Variants in HMGCLL1 observed in about 807,000 individuals in gnomAD.
The protein encoded by HMGCLL1 is 3-hydroxymethyl-3-methylglutaryl-CoA lyase, cytoplasmic.
Under a neutral mutation model 39.1 loss-of-function variants are expected in HMGCLL1, and 36 were observed. The ratio of observed to expected loss-of-function variants is 0.92; its 90% CI spans 0.71 to 1.22. The LOEUF is 1.22. Among genes scored for constraint, HMGCLL1 ranks in the 50% most tolerant of loss-of-function variants. The pLI is 0.00. For synonymous variants in HMGCLL1, 149 were observed against 144.0 expected (o/e 1.03, Z -0.25); for missense variants, 451 against 416.5 (o/e 1.08, Z -0.72).
intron 7 of HMGCLL1, among the ~76,000 whole-genome samples, chr6:55,450,524 T>C (rs987481004): frequency 2.0e-5 from 3 of 152,190 alleles, no homozygotes; most frequent in African/African-American, 7.2e-5. Context: ...AATGTGCTTA[T>C]CACATAGGTT....
chr6:55,473,917 C>T lies in HMGCLL1; in HGVS notation c.795+21502G>A, dbSNP rs146554564. Among the ~76,000 whole-genome samples the T allele has an allele frequency of 4.5e-3, 684 of 151,546 alleles. 6 individuals carry two copies. The highest frequency in any genetic ancestry group is 0.015 in the African/African-American group (622 of 41,478). On this transcript the variant is annotated intron_variant, in intron 7 of 8. Coordinates refer to ENST00000274901, the MANE Select transcript of HMGCLL1 (RefSeq NM_001042406.2). ...CACTGGTGGGTTTTTACTTTCAGTA[C>T]TTTACTTCATTCTACTTTCTAGTTG...
chr6:55,579,264 G>T (rs1057208545), upstream of HMGCLL1: 20 of 590,970 alleles, frequency 3.4e-5, no homozygotes, highest in Non-Finnish European at 4.5e-5. Context: ...GCGGGTGCAC[G>T]GGGCACCTGC....
intron 7 of HMGCLL1, among the ~76,000 whole-genome samples, chr6:55,444,721 C>A (rs1448595981): frequency 3.3e-5 from 5 of 151,950 alleles, no homozygotes; most frequent in Admixed American, 2.6e-4. Context: ...TAATTACCTA[C>A]CTAAGTAGAA....
At chr6:55,513,273 T>C (rs1351768597) in intron 5 of HMGCLL1, 2 of 152,128 alleles carry the variant, frequency 1.3e-5, no homozygotes, top group Non-Finnish European at 2.9e-5. Context: ...ATTAGGTTTG[T>C]GGATCTTGGG....
At chr6:55,649,911 A>G in the HMGCLL1 span, among the ~76,000 whole-genome samples, 2 of 150,528 alleles carry the variant, frequency 1.3e-5, no homozygotes, top group Non-Finnish European at 3.0e-5. Flanking sequence ...GCATCTTTCT[A>G]CTTTAGAATT....
intron 7 of HMGCLL1, among the ~76,000 whole-genome samples, chr6:55,452,809 A>G (rs935811896): frequency 3.3e-5 from 5 of 152,170 alleles, no homozygotes; most frequent in Non-Finnish European, 7.3e-5. Flanking sequence ...GTTGCTGGGA[A>G]ACAAAGACTA....
intron 7 of HMGCLL1, among the ~76,000 whole-genome samples, chr6:55,445,342 A>G (rs1167538946): frequency 6.6e-6 from 1 of 151,976 alleles, no homozygotes; most frequent in Non-Finnish European, 1.5e-5. Flanking sequence ...TTCACTATGT[A>G]TGTTTTCTTC....
intron 1 of HMGCLL1, 29 bp from the exon 2 acceptor site, chr6:55,542,169 A>G (rs1581922246): frequency 6.8e-7 from 1 of 1,472,528 alleles, no homozygotes; most frequent in African/African-American, 1.4e-5. Context: ...GAACAAGATA[A>G]CGTAACTTTT....
At chr6:55,612,863 C>A in the HMGCLL1 span, among the ~76,000 whole-genome samples, 1 of 152,102 alleles carries the variant, frequency 6.6e-6, no homozygotes, top group African/African-American at 2.4e-5. Flanking sequence ...AAAATCTATG[C>A]AATACCATTC....
intron 3 of HMGCLL1, among the ~76,000 whole-genome samples, chr6:55,531,458 T>C (rs932965364): frequency 1.3e-5 from 2 of 152,206 alleles, no homozygotes; most frequent in African/African-American, 4.8e-5. Flanking sequence ...TTTAGTCAGA[T>C]ACAAAAGTGG....
At chr6:55,559,555 G>C (rs189993351) in intron 1 of HMGCLL1, among the ~76,000 whole-genome samples, 2 of 152,162 alleles carry the variant, frequency 1.3e-5, no homozygotes, top group African/African-American at 4.8e-5. Flanking sequence ...ACCTAGAGGA[G>C]AGCAGGGGCA....
chr6:55,614,551 G>T, the HMGCLL1 span, among the ~76,000 whole-genome samples: 1 of 152,096 alleles, frequency 6.6e-6, no homozygotes, highest in Non-Finnish European at 1.5e-5. Flanking sequence ...TTCATAGTAT[G>T]AATTAATTCT....
At chr6:55,565,200 C>T (rs1357302896) in intron 1 of HMGCLL1, among the ~76,000 whole-genome samples, 2 of 152,050 alleles carry the variant, frequency 1.3e-5, no homozygotes, top group Non-Finnish European at 2.9e-5. Context: ...AAGTCCAGTA[C>T]CTCTACCAGG....
At chr6:55,474,108 T>C (rs928139654) in intron 7 of HMGCLL1, among the ~76,000 whole-genome samples, 1 of 151,582 alleles carries the variant, frequency 6.6e-6, no homozygotes, top group African/African-American at 2.4e-5. Context: ...TTTATCCTGC[T>C]TGACATTCTC....
chr6:55,557,790 G>T (rs1451628891), intron 1 of HMGCLL1, among the ~76,000 whole-genome samples: 1 of 152,108 alleles, frequency 6.6e-6, no homozygotes, highest in Non-Finnish European at 1.5e-5. Context: ...TATACAAGGG[G>T]GAAAGGGGTT....
chr6:55,477,474 ATATAT>A lies in HMGCLL1; in HGVS notation c.795+17940_795+17944del, dbSNP rs1283099346. ...ATATATTACATATAATATATAATAT[ATATAT>A]TATATTACATATACATATTACATAT... On this transcript the variant is annotated intron_variant, in intron 7 of 8. Coordinates refer to ENST00000274901, the MANE Select transcript of HMGCLL1 (RefSeq NM_001042406.2). 2.8e-5 allele frequency among the ~76,000 whole-genome samples: 2 copies of A among 72,070 alleles called. 1 individual carries two copies. The highest frequency in any genetic ancestry group is 5.3e-5 in the Non-Finnish European group (2 of 37,724). The allele number at this position is 72,070 out of a possible 152,430, so 47.3% of individuals were successfully genotyped here. A position where few individuals can be genotyped will look rare whatever the true frequency, so the allele number is the denominator to read the frequency against.
intron 3 of HMGCLL1, among the ~76,000 whole-genome samples, chr6:55,541,525 T>G (rs183698512): frequency 3.9e-4 from 60 of 152,252 alleles, no homozygotes; most frequent in African/African-American, 1.3e-3. Flanking sequence ...TGAACCATAC[T>G]CACACAGGCT....
intron 7 of HMGCLL1, among the ~76,000 whole-genome samples, chr6:55,481,414 G>T (rs944258014): frequency 6.6e-6 from 1 of 151,916 alleles, no homozygotes; most frequent in African/African-American, 2.4e-5. Context: ...TGGAACGTTT[G>T]CAATACAAAG....
At chr6:55,474,888 T>G (rs1277818661) in intron 7 of HMGCLL1, among the ~76,000 whole-genome samples, 1 of 151,666 alleles carries the variant, frequency 6.6e-6, no homozygotes, top group African/African-American at 2.4e-5. Flanking sequence ...CGGGCTTTCC[T>G]AAGTATTCCT....
Sources: gnomAD v4.1 joint callset for allele counts (sites outside exome capture counted in the v4.1 genomes callset) on GRCh38, gnomAD v4.1.1 for gene constraint, MANE v1.5 for transcripts, NCBI Gene and HGNC (gene_info 2026-07-23, HGNC 2026-07-21) for gene names.